Variants in SH3RF2 observed in about 807,000 individuals in gnomAD.
SH3RF2 encodes SH3 domain containing ring finger 2.
In SH3RF2, 43 loss-of-function variants were observed where a neutral mutation model predicts 59.0. The observed-to-expected ratio is 0.73, with a 90% CI of 0.57 to 0.94. The LOEUF (loss-of-function observed/expected upper bound fraction) is 0.94. Among genes scored for constraint, SH3RF2 ranks in the 40% least tolerant of loss-of-function variants. The pLI is 0.00. For missense variants in SH3RF2, 930 were observed against 940.1 expected (o/e 0.99, Z 0.14); for synonymous variants, 391 against 391.5 (o/e 1.00, Z 0.01).
At chr5:146,040,155 G>A (rs1762073531) in intron 5 of SH3RF2, among the ~76,000 whole-genome samples, 1 of 152,172 alleles carries the variant, frequency 6.6e-6, no homozygotes, top group African/African-American at 2.4e-5. Flanking sequence ...CTTGATTATG[G>A]GGGAATATGC....
intron 2 of SH3RF2, among the ~76,000 whole-genome samples, chr5:145,941,188 T>G (rs1054247342): frequency 5.9e-5 from 9 of 152,186 alleles, no homozygotes; most frequent in African/African-American, 2.2e-4. Flanking sequence ...AAGCCCAAAG[T>G]CTGTTCTGCT....
At chr5:145,992,146 TG>T (rs1172995036) in intron 2 of SH3RF2, among the ~76,000 whole-genome samples, 8 of 152,172 alleles carry the variant, frequency 5.3e-5, no homozygotes, top group African/African-American at 1.7e-4. Context: ...CCGAGGCAGG[TG>T]GATCACTTGA....
intron 9 of SH3RF2, among the ~76,000 whole-genome samples, chr5:146,068,808 CT>C (rs1413596436): frequency 6.6e-6 from 1 of 152,140 alleles, no homozygotes; most frequent in Non-Finnish European, 1.5e-5. Flanking sequence ...CTCCTTTCTG[CT>C]TTTCTCCCCT....
intron 5 of SH3RF2, among the ~76,000 whole-genome samples, chr5:146,032,615 C>T (rs1761781405): frequency 6.6e-6 from 1 of 152,196 alleles, no homozygotes; most frequent in African/African-American, 2.4e-5. Flanking sequence ...GTGACAGAGA[C>T]AATCCAGATG....
At chr5:146,055,774 A>T (rs1433314246) in intron 7 of SH3RF2, 10 of 600,158 alleles carry the variant, frequency 1.7e-5, no homozygotes, top group Non-Finnish European at 2.6e-5. Context: ...CCCTCAGCAC[A>T]CCCTCACAGT....
At chr5:146,014,159 C>T in intron 5 of SH3RF2, 98 bp downstream of exon 5, 7 of 1,247,348 alleles carry the variant, frequency 5.6e-6, no homozygotes, top group Non-Finnish European at 8.0e-6. Flanking sequence ...TTGCTAAGCA[C>T]CCAGAATGCC....
chr5:146,015,092 C>T (rs1761053247), intron 5 of SH3RF2, among the ~76,000 whole-genome samples: 2 of 152,068 alleles, frequency 1.3e-5, no homozygotes, highest in African/African-American at 2.4e-5. Context: ...TGTTTTTAAA[C>T]ATGAATTTCT....
chr5:146,058,040 C>G (rs888553169), intron 8 of SH3RF2, among the ~76,000 whole-genome samples: 1 of 151,560 alleles, frequency 6.6e-6, no homozygotes, highest in Non-Finnish European at 1.5e-5. Context: ...GTCTAGACCA[C>G]TTAGGTATGC....
chr5:145,936,623 G>A lies in SH3RF2; in HGVS notation c.-178G>A, dbSNP rs1480111225. On this transcript the variant is annotated 5_prime_UTR_variant, in exon 1 of 10. Coordinates refer to ENST00000359120, the MANE Select transcript of SH3RF2 (RefSeq NM_152550.4). ...GCGCTTGGAGGAAAGGAAGCCGGTT[G>A]GAGGGCGCAGCGCACCCCTGCTGCG... The A allele has an allele frequency of 6.6e-6, 1 of 152,498 alleles. No individual in the cohort carries two copies. Among genetic ancestry groups the A allele is most frequent in the African/African-American group, 2.4e-5 (1 of 41,474 alleles). 9.4% of individuals were successfully genotyped at this position (152,498 alleles called of 1,614,324 possible).
intron 5 of SH3RF2, among the ~76,000 whole-genome samples, chr5:146,016,100 C>A (rs911506808): frequency 6.6e-6 from 1 of 152,140 alleles, no homozygotes; most frequent in African/African-American, 2.4e-5. Flanking sequence ...GGAATCAAGA[C>A]TTTTAACGTA....
At chr5:146,064,756 AAGGAAGGAAGGAAGGAAGGAAAGG>A (rs1763033802), downstream of SH3RF2, among the ~76,000 whole-genome samples, 7 of 5,350 alleles carry the variant, frequency 1.3e-3, no homozygotes, top group Admixed American at 8.2e-3. Context: ...GGAAGGAAGG[AAGGAAGGAAGGAAGGAAGGAAAGG>A]AAGGAAGGAA....
At chr5:146,012,752 T>C (rs2079533) in intron 4 of SH3RF2, among the ~76,000 whole-genome samples, 94,909 of 152,054 alleles carry the variant, frequency 0.62, 29,923 homozygotes, top group Middle Eastern at 0.8. Context: ...CCACAGGGGC[T>C]GTCAGTGAGT....
rs572092468 is a variant in SH3RF2 at position 146,053,422 on chromosome 5, G to A, written c.1323-2559G>A. Reference sequence around the variant, plus strand: ...GTCTCCTCTATTGTGTGTAGTCTTGGTGGGAGGCAGAGGTTTCCTTTCTTT... The same window carrying A: ...GTCTCCTCTATTGTGTGTAGTCTTGATGGGAGGCAGAGGTTTCCTTTCTTT... On this transcript the variant is annotated intron_variant, in intron 7 of 9. Transcript: ENST00000359120. Among the ~76,000 whole-genome samples the A allele has an allele frequency of 7.2e-5, 11 of 151,946 alleles. No individual in the cohort carries two copies. In the South Asian group the frequency reaches 2.3e-3, roughly 32 times the overall value.
chr5:145,993,811 G>A (rs912377013), intron 2 of SH3RF2, among the ~76,000 whole-genome samples: 1 of 151,906 alleles, frequency 6.6e-6, no homozygotes, highest in Non-Finnish European at 1.5e-5. Flanking sequence ...CTGGAGACAT[G>A]TTCCCACCAC....
At chr5:145,979,775 G>A (rs1196429653) in intron 2 of SH3RF2, among the ~76,000 whole-genome samples, 2 of 152,188 alleles carry the variant, frequency 1.3e-5, no homozygotes, top group Non-Finnish European at 2.9e-5. Flanking sequence ...GAAGGTTGAA[G>A]TGAGAAAATG....
chr5:146,058,722 G>C (rs969590982), intron 8 of SH3RF2, among the ~76,000 whole-genome samples: 1 of 152,058 alleles, frequency 6.6e-6, no homozygotes, highest in African/African-American at 2.4e-5. Context: ...TTTCTCATGG[G>C]TGTCTCCTCC....
intron 4 of SH3RF2, among the ~76,000 whole-genome samples, chr5:146,009,690 C>G (rs1760795604): frequency 6.6e-6 from 1 of 152,090 alleles, no homozygotes; most frequent in African/African-American, 2.4e-5. Context: ...TATAAGTCAC[C>G]CCTTCCAGGC....
At chr5:145,951,528 C>G (rs74471178) in intron 2 of SH3RF2, among the ~76,000 whole-genome samples, 1,896 of 152,270 alleles carry the variant, frequency 0.012, 27 homozygotes, top group African/African-American at 0.043. Flanking sequence ...CTTGAAGGTC[C>G]TCCAAGCCAC....
intron 5 of SH3RF2, among the ~76,000 whole-genome samples, chr5:146,040,987 C>T (rs558285594): frequency 3.9e-5 from 6 of 152,206 alleles, no homozygotes; most frequent in African/African-American, 1.4e-4. Flanking sequence ...ATCCTGTCCA[C>T]GAGCATAAAC....
Sources: gnomAD v4.1 joint callset for allele counts (sites outside exome capture counted in the v4.1 genomes callset) on GRCh38, gnomAD v4.1.1 for gene constraint, MANE v1.5 for transcripts, NCBI Gene and HGNC (gene_info 2026-07-23, HGNC 2026-07-21) for gene names.